The following DEFB125 variants were observed in gnomAD, a reference collection of about 807,000 sequenced individuals.
The protein encoded by DEFB125 is beta-defensin 125.
DEFB125 carries 11 observed loss-of-function variants against 11.8 expected under a neutral mutation model. The observed-to-expected ratio is 0.94, with a 90% CI of 0.59 to 1.55. DEFB125 has a LOEUF of 1.55. Among genes scored for constraint, DEFB125 ranks in the 40% most tolerant of loss-of-function variants. The pLI is 0.00. For missense variants in DEFB125, 198 were observed against 191.2 expected (o/e 1.04, Z -0.21); for synonymous variants, 79 against 66.7 (o/e 1.18, Z -0.90).
intron 1 of DEFB125, among the ~76,000 whole-genome samples, 182 bp downstream of exon 1, chr20:87,949 C>T (rs2054482112): frequency 6.6e-6 from 1 of 152,176 alleles, no homozygotes; most frequent in South Asian, 2.1e-4. Flanking sequence ...CTGTTAGGGG[C>T]ATCTAGCAAG....
Position 96,445 on chromosome 20 carries a change from C to A in DEFB125, c.*28C>A. On this transcript the variant is annotated 3_prime_UTR_variant, in exon 2 of 2. Coordinates refer to ENST00000382410, the MANE Select transcript of DEFB125 (RefSeq NM_153325.4). Reference sequence around the variant, plus strand: ...AACATTTACTTCTGGTATGGAACAACTAGAAATACTGCTGGAAATAATATC... The same window carrying A: ...AACATTTACTTCTGGTATGGAACAAATAGAAATACTGCTGGAAATAATATC... The A allele has an allele frequency of 6.3e-7, 1 of 1,577,594 alleles. No homozygotes were observed.
At chr20:94,584 G>T (rs6043196) in intron 1 of DEFB125, among the ~76,000 whole-genome samples, 1 of 152,152 alleles carries the variant, frequency 6.6e-6, no homozygotes, top group South Asian at 2.1e-4. Flanking sequence ...ATGGAGCTCA[G>T]GTGGTGATGC....
chr20:89,644 A>C (rs1006041918), intron 1 of DEFB125, among the ~76,000 whole-genome samples: 1 of 152,038 alleles, frequency 6.6e-6, no homozygotes, highest in Non-Finnish European at 1.5e-5. Flanking sequence ...TACATAAATC[A>C]TTCAGCATAA....
rs527510280 is a variant in DEFB125 at position 93,221 on chromosome 20, G to A, written c.59-2784G>A. On this transcript the variant is annotated intron_variant, in intron 1 of 1. Coordinates refer to ENST00000382410, the MANE Select transcript of DEFB125 (RefSeq NM_153325.4). ...TGAACTCAGGTGATCTGCCCGCCTC[G>A]ATCTCCCAAAGTGCTGGGATTACAT... 7.4e-4 allele frequency among the ~76,000 whole-genome samples: 112 copies of A among 152,132 alleles called. 1 individual carries two copies. Among genetic ancestry groups the A allele is most frequent in the Non-Finnish European group, 1.3e-3 (86 of 67,976 alleles).
intron 1 of DEFB125, among the ~76,000 whole-genome samples, chr20:94,252 A>AT (rs1213806688): frequency 6.6e-6 from 1 of 151,986 alleles, no homozygotes; most frequent in Non-Finnish European, 1.5e-5. Flanking sequence ...AACATTTGTC[A>AT]TTTTTTTATA....
intron 1 of DEFB125, 32 bp downstream of exon 1, chr20:87,799 C>G: frequency 3.7e-6 from 6 of 1,609,522 alleles, no homozygotes; most frequent in Non-Finnish European, 5.1e-6. Context: ...GAGATGATGA[C>G]TAGGATGAGT....
At chr20:93,189 G>A (rs1031860632) in intron 1 of DEFB125, among the ~76,000 whole-genome samples, 11 of 151,782 alleles carry the variant, frequency 7.2e-5, no homozygotes, top group Admixed American at 3.9e-4. Flanking sequence ...GGCTGGTCTC[G>A]AACTCCTGAA....
Position 96,304 on chromosome 20 carries a change from A to G in DEFB125, c.358A>G (p.Thr120Ala), listed in dbSNP as rs774994048. Residue 120 changes from threonine to alanine, a missense_variant, in exon 2 of 2, where the codon ACT becomes GCT. By Grantham distance (58) the Thr-to-Ala change is moderately conservative. Coordinates refer to ENST00000382410, the MANE Select transcript of DEFB125 (RefSeq NM_153325.4). ...TMTPETNTPE[T>A]TMPPSEATTP... ...GACACCTGAGACCAATACTCCTGAGACTACTATGCCACCATCTGAGGCCAC... is the reference window on the plus strand; with the variant it reads ...GACACCTGAGACCAATACTCCTGAGGCTACTATGCCACCATCTGAGGCCAC... The G allele has an allele frequency of 3.0e-5, 48 of 1,614,094 alleles. No homozygotes were observed. Among genetic ancestry groups the G allele is most frequent in the Non-Finnish European group, 3.9e-5 (46 of 1,179,966 alleles).
intron 1 of DEFB125, among the ~76,000 whole-genome samples, chr20:89,389 A>G (rs2054488344): frequency 6.6e-6 from 1 of 152,134 alleles, no homozygotes; most frequent in South Asian, 2.1e-4. Context: ...GTTAAAAGAG[A>G]CAAAATATTT....
rs1444300973 is a variant in DEFB125, at chr20:96,172, G to C, written c.226G>C (p.Glu76Gln). 6.2e-7 allele frequency: 1 copy of C among 1,613,992 alleles called. No homozygotes were observed. The highest frequency in any genetic ancestry group is 1.3e-5 in the African/African-American group (1 of 74,898). The change falls in exon 2 of 2, where the codon GAG becomes CAG. Residue 76 changes from glutamate (E) to glutamine (Q), a missense_variant. Coordinates refer to ENST00000382410, the MANE Select transcript of DEFB125 (RefSeq NM_153325.4). Reference sequence around the variant, plus strand: ...ACCAGCATTTCCTGTGATTCACCTAGAGGATATAACATTGGATTATAGTGA... The same window carrying C: ...ACCAGCATTTCCTGTGATTCACCTACAGGATATAACATTGGATTATAGTGA... ...RRPAFPVIHL[E>Q]DITLDYSDVD...
chr20:95,969 G>C, intron 1 of DEFB125, 36 bp from the exon 2 acceptor site: 1 of 1,527,582 alleles, frequency 6.5e-7, no homozygotes, highest in Non-Finnish European at 8.8e-7. Flanking sequence ...GTTGATGCCA[G>C]AGTTAAAAAT....
intron 1 of DEFB125, among the ~76,000 whole-genome samples, chr20:88,865 G>GAGAC (rs2054486227): frequency 3.4e-5 from 5 of 148,428 alleles, no homozygotes; most frequent in African/African-American, 1.2e-4. Context: ...TGGACACGTG[G>GAGAC]ACACACACAC....
chr20:93,531 A>G (rs1451412923), intron 1 of DEFB125, among the ~76,000 whole-genome samples: 3 of 152,148 alleles, frequency 2.0e-5, no homozygotes, highest in African/African-American at 7.2e-5. Context: ...AGTTACCTTC[A>G]TACTACTAAA....
intron 1 of DEFB125, among the ~76,000 whole-genome samples, chr20:94,010 T>G (rs190275798): frequency 1.9e-3 from 289 of 152,296 alleles, no homozygotes; most frequent in African/African-American, 6.6e-3. Flanking sequence ...CTGTGCACCC[T>G]TTCATTCTTC....
Position 96,089 on chromosome 20 carries a change from T to C in DEFB125, c.143T>C (p.Leu48Pro). 1 of 1,614,132 alleles carries C rather than the reference T, an allele frequency of 6.2e-7. No homozygotes were observed. Among genetic ancestry groups the C allele is most frequent in the Non-Finnish European group, 8.5e-7 (1 of 1,180,034 alleles). Reference sequence around the variant, plus strand: ...TTAGATACTGAAAGGTACATACTTCTTTGTAGGAACAAGCTATCATGCTGC... The same window carrying C: ...TTAGATACTGAAAGGTACATACTTCCTTGTAGGAACAAGCTATCATGCTGC... ...RCLDTERYIL[L>P]CRNKLSCCIS... The change falls in exon 2 of 2, where the codon CTT becomes CCT. Residue 48 changes from leucine to proline, a missense_variant. Coordinates refer to ENST00000382410, the MANE Select transcript of DEFB125 (RefSeq NM_153325.4).
intron 1 of DEFB125, among the ~76,000 whole-genome samples, chr20:91,004 C>CT (rs768847821): frequency 3.9e-5 from 6 of 152,096 alleles, no homozygotes; most frequent in Non-Finnish European, 5.9e-5. Flanking sequence ...AAATAATGTA[C>CT]TTTTTTATTA....
Position 96,475 on chromosome 20 carries a change from G to C in DEFB125, c.*58G>C. 6.5e-7 allele frequency: 1 copy of C among 1,535,300 alleles called. No individual in the cohort carries two copies. Among genetic ancestry groups the C allele is most frequent in the Non-Finnish European group, 8.7e-7 (1 of 1,145,602 alleles). On this transcript the variant is annotated 3_prime_UTR_variant, in exon 2 of 2. Transcript: ENST00000382410. ...AATACTGCTGGAAATAATATCCAAA[G>C]AGCTGATTCTACCAATCCAATTTCA... is the stretch of plus-strand genomic sequence containing the variant.
In DEFB125 at chr20:96,324, G is replaced by A. The variant is rs1272714897; in HGVS notation, c.378G>A (p.Glu126=). Residue 126 remains glutamate, a synonymous_variant, in exon 2 of 2, where the codon GAG becomes GAA. Transcript: ENST00000382410. ...NTPETTMPPS[E]ATTPETTMPP... ...CTGAGACTACTATGCCACCATCTGA[G>A]GCCACTACTCCCGAGACTACTATGC... is the stretch of plus-strand genomic sequence containing the variant. 6.2e-7 allele frequency: 1 copy of A among 1,613,278 alleles called. No individual in the cohort carries two copies. Among genetic ancestry groups the A allele is most frequent in the Admixed American group, 1.7e-5 (1 of 59,990 alleles).
At chr20:90,214 A>G (rs2054491349) in intron 1 of DEFB125, among the ~76,000 whole-genome samples, 1 of 152,196 alleles carries the variant, frequency 6.6e-6, no homozygotes, top group South Asian at 2.1e-4. Context: ...TGAAGATCAC[A>G]TGTCCTAACA....
Sources: gnomAD v4.1 joint callset for allele counts (sites outside exome capture counted in the v4.1 genomes callset) on GRCh38, gnomAD v4.1.1 for gene constraint, MANE v1.5 for transcripts, NCBI Gene and HGNC (gene_info 2026-07-23, HGNC 2026-07-21) for gene names.